NAT1: variants seen among roughly 807,000 people sequenced by gnomAD.
NAT1 encodes the protein N-acetyltransferase 1.
For synonymous variants in NAT1, 144 were observed against 122.6 expected, an observed-to-expected ratio of 1.17 and a Z score of -1.16; for missense variants, 400 against 339.2, an observed-to-expected ratio of 1.18 and a Z score of -1.41.
chr8:18,190,921 G>C lies in NAT1; in HGVS notation n.93-18860G>C, dbSNP rs564345983. ...ATCTCTACTAAAAATACAAAAATTA[G>C]CTGGGTGTGGTGGCACATGCCTGTA... On this transcript the variant is annotated intron_variant and non_coding_transcript_variant, in intron 2 of 4. Transcript: ENST00000517441. Among the ~76,000 whole-genome samples the C allele has an allele frequency of 8.5e-5, 13 of 152,104 alleles. No homozygotes were observed. The South Asian group carries it at 2.7e-3, about 32-fold the overall frequency.
At chr8:18,208,854 T>C (rs901866698), upstream of NAT1, among the ~76,000 whole-genome samples, 47 of 152,304 alleles carry the variant, frequency 3.1e-4, no homozygotes, top group African/African-American at 1.1e-3. Context: ...GGAATCCAAG[T>C]TCCAGTCCAC....
rs181095572 is a variant in NAT1 at position 18,217,355 on chromosome 8, G to A, written c.-85-2056G>A. On this transcript the variant is annotated intron_variant, in intron 1 of 2. Coordinates refer to ENST00000307719, the MANE Select transcript of NAT1 (RefSeq NM_000662.8). ...AATATGCCCCAAATACTTAACTTCC[G>A]GTAAGCACAGCTGAAGTTTGTCTTC... Among the ~76,000 whole-genome samples, 397 of 152,330 alleles carry A rather than the reference G, an allele frequency of 2.6e-3. 3 individuals are homozygous for A. The highest frequency in any genetic ancestry group is 8.6e-3 in the African/African-American group (358 of 41,582).
intron 2 of NAT1, among the ~76,000 whole-genome samples, chr8:18,196,902 T>C (rs10107231): frequency 0.05 from 7,680 of 152,284 alleles, 581 homozygotes; most frequent in African/African-American, 0.16. Flanking sequence ...ATTCTTGTAT[T>C]AGTCCGTTCT....
intron 1 of NAT1, among the ~76,000 whole-genome samples, chr8:18,210,484 C>T (rs538585865): frequency 2.6e-5 from 4 of 152,206 alleles, no homozygotes; most frequent in Admixed American, 2.6e-4. Flanking sequence ...GCTACGAGTA[C>T]TGCTTACTTA....
chr8:18,222,402 T>A lies in NAT1; in HGVS notation c.355T>A (p.Tyr119Asn). The A allele has an allele frequency of 6.2e-7, 1 of 1,614,116 alleles. No individual in the cohort carries two copies. The highest frequency in any genetic ancestry group is 1.3e-5 in the African/African-American group (1 of 75,034). ...LLQVTIDGRN[Y>N]IVDAGFGRSY... is the part of the protein sequence containing the mutation. ...GCAGGTGACCATTGATGGCAGGAAC[T>A]ACATTGTCGATGCTGGGTTTGGACG... The change falls in exon 3 of 3, where the codon TAC (tyrosine) becomes AAC (asparagine). Residue 119 changes from tyrosine to asparagine, a missense_variant. Transcript: ENST00000307719.
intron 2 of NAT1, among the ~76,000 whole-genome samples, chr8:18,188,161 C>T (rs1802820686): frequency 6.6e-6 from 1 of 152,140 alleles, no homozygotes; most frequent in South Asian, 2.1e-4. Context: ...CGCTAAATAG[C>T]ATAATAGAAA....
intron 2 of NAT1, chr8:18,200,939 G>A (rs911406757): frequency 2.0e-5 from 3 of 152,148 alleles, no homozygotes; most frequent in African/African-American, 4.8e-5. Context: ...GAAGGTTTAA[G>A]TTTTATATAT....
intron 2 of NAT1, among the ~76,000 whole-genome samples, chr8:18,193,101 G>C (rs1253123784): frequency 8.1e-6 from 1 of 122,790 alleles, no homozygotes; most frequent in Non-Finnish European, 1.6e-5. Context: ...TTTTGAGACA[G>C]GGTCTCTCAG....
intron 2 of NAT1, among the ~76,000 whole-genome samples, chr8:18,173,356 G>C (rs775843056): frequency 6.6e-6 from 1 of 152,094 alleles, no homozygotes; most frequent in Non-Finnish European, 1.5e-5. Context: ...TTCTACAATA[G>C]GTCCCTCTTG....
chr8:18,173,095 G>A (rs1169327161), intron 2 of NAT1, among the ~76,000 whole-genome samples: 1 of 151,756 alleles, frequency 6.6e-6, no homozygotes, highest in Non-Finnish European at 1.5e-5. Flanking sequence ...AGATTTCTCT[G>A]ACTGGGCTCT....
At chr8:18,187,275 G>A (rs1004618269) in intron 2 of NAT1, among the ~76,000 whole-genome samples, 1 of 152,210 alleles carries the variant, frequency 6.6e-6, no homozygotes, top group African/African-American at 2.4e-5. Flanking sequence ...TTCAGCCACT[G>A]TGGAAAACAG....
intron 2 of NAT1, among the ~76,000 whole-genome samples, chr8:18,192,016 G>T (rs1248916271): frequency 6.6e-6 from 1 of 151,544 alleles, no homozygotes; most frequent in Non-Finnish European, 1.5e-5. Flanking sequence ...AAGAGCTTCT[G>T]CACAGCAAAA....
intron 2 of NAT1, among the ~76,000 whole-genome samples, chr8:18,197,376 G>C (rs1472970497): frequency 2.6e-5 from 4 of 152,160 alleles, no homozygotes; most frequent in Non-Finnish European, 4.4e-5. Flanking sequence ...AACTCAGTAG[G>C]CTTCTTGGTC....
intron 2 of NAT1, among the ~76,000 whole-genome samples, chr8:18,220,748 A>G (rs8190840): frequency 1.1e-4 from 16 of 152,054 alleles, no homozygotes; most frequent in Middle Eastern, 3.2e-3. Context: ...CTACTCACCA[A>G]TAGCTTTGAA....
intron 1 of NAT1, among the ~76,000 whole-genome samples, chr8:18,218,988 G>A (rs895750272): frequency 2.6e-5 from 4 of 151,956 alleles, no homozygotes; most frequent in Admixed American, 1.3e-4. Flanking sequence ...TCAACATGCC[G>A]AATTATAGCT....
rs570062429 is a variant in NAT1 at position 18,199,411 on chromosome 8, C to A, written n.93-10370C>A. On this transcript the variant is annotated intron_variant and non_coding_transcript_variant, in intron 2 of 4. Transcript: ENST00000517441. The stretch of plus-strand genomic sequence containing the variant: ...ACTTGTTCTTCCATTTCCTTCCATG[C>A]CTGTTCTTCCTTCCTTTTGCCATCT... 9.9e-5 allele frequency among the ~76,000 whole-genome samples: 15 copies of A among 152,028 alleles called. No individual in the cohort carries two copies. The East Asian group carries it at 2.7e-3, about 27-fold the overall frequency.
intron 2 of NAT1, among the ~76,000 whole-genome samples, chr8:18,184,026 AGGGTCCCGG>A (rs1802628071): frequency 1.3e-5 from 2 of 151,874 alleles, no homozygotes; most frequent in Admixed American, 6.6e-5. Flanking sequence ...CTATGCTTTC[AGGGTCCCGG>A]GGCGGGGTGG....
intron 1 of NAT1, among the ~76,000 whole-genome samples, chr8:18,214,479 T>C: frequency 6.6e-6 from 1 of 152,246 alleles, no homozygotes; most frequent in Non-Finnish European, 1.5e-5. Flanking sequence ...TTGTGTAACA[T>C]TCTCTTGCTG....
At chr8:18,203,725 C>T (rs1027317432) in intron 2 of NAT1, among the ~76,000 whole-genome samples, 6 of 152,276 alleles carry the variant, frequency 3.9e-5, no homozygotes, top group African/African-American at 1.2e-4. Context: ...CCCTTTATAG[C>T]CGTCCTTGTG....
Sources: allele counts gnomAD v4.1 joint callset (sites outside exome capture counted in the v4.1 genomes callset), GRCh38; gene constraint gnomAD v4.1.1; transcripts MANE v1.5; gene names NCBI Gene and HGNC (gene_info 2026-07-23, HGNC 2026-07-21).